Variants in LIAT1 observed in about 807,000 individuals in gnomAD.
LIAT1 encodes the protein protein LIAT1.
chr17:410,375 C>A, the LIAT1 span: 3 of 1,517,052 alleles, frequency 2.0e-6, no homozygotes, highest in Non-Finnish European at 2.6e-6. Context: ...TGGCGGTCCG[C>A]GCTGAGAGTC....
the LIAT1 span, chr17:413,693 G>T: frequency 6.3e-7 from 1 of 1,580,530 alleles, no homozygotes; most frequent in Admixed American, 1.7e-5. Flanking sequence ...GGCCCTCAAG[G>T]GTTTCCACAT....
chr17:413,343 A>T, the LIAT1 span: 1 of 1,614,268 alleles, frequency 6.2e-7, no homozygotes, highest in Non-Finnish European at 8.5e-7. Context: ...AATCGGATCA[A>T]CGAAAGTCTG....
At chr17:412,774 G>A in the LIAT1 span, among the ~76,000 whole-genome samples, 23 of 152,202 alleles carry the variant, frequency 1.5e-4, no homozygotes, top group Non-Finnish European at 1.5e-5. Context: ...AGGGCAGCAC[G>A]GCCCAGTGGA....
At chr17:410,363 C>A in the LIAT1 span, 7 of 1,505,334 alleles carry the variant, frequency 4.7e-6, no homozygotes, top group Admixed American at 8.8e-5. Context: ...GTGGCCCTGG[C>A]CTGGCGGTCC....
the LIAT1 span, among the ~76,000 whole-genome samples, chr17:411,758 C>G: frequency 0.035 from 5,395 of 152,294 alleles, 311 homozygotes; most frequent in African/African-American, 0.12. Context: ...CCCTACATTT[C>G]TTGACAAGGG....
the LIAT1 span, among the ~76,000 whole-genome samples, chr17:411,714 G>A: frequency 2.6e-5 from 4 of 152,126 alleles, no homozygotes; most frequent in Admixed American, 2.6e-4. Context: ...ATAAACCCCA[G>A]TCCCTACATC....
the LIAT1 span, chr17:410,604 A>T: frequency 1.9e-6 from 3 of 1,544,644 alleles, no homozygotes; most frequent in East Asian, 7.3e-5. Flanking sequence ...GGTGAAGAAG[A>T]AAAAAAGGAA....
At chr17:410,333 G>T in the LIAT1 span, 1 of 1,460,836 alleles carries the variant, frequency 6.8e-7, no homozygotes, top group African/African-American at 1.5e-5. Context: ...GCGCAGCAGG[G>T]GTGGTCGCCA....
At chr17:412,969 A>T in the LIAT1 span, among the ~76,000 whole-genome samples, 1 of 152,220 alleles carries the variant, frequency 6.6e-6, no homozygotes, top group African/African-American at 2.4e-5. Context: ...CCTGCCCTGA[A>T]ATGATTTCAG....
the LIAT1 span, chr17:410,387 C>A: frequency 2.6e-6 from 4 of 1,523,664 alleles, no homozygotes; most frequent in African/African-American, 1.4e-5. Context: ...CTGAGAGTCG[C>A]CGATTAGTCG....
the LIAT1 span, chr17:413,654 G>A: frequency 8.3e-6 from 13 of 1,575,596 alleles, no homozygotes; most frequent in Non-Finnish European, 1.1e-5. Context: ...CGACCCTGAG[G>A]CCCTCAAGGG....
the LIAT1 span, chr17:410,403 G>C: frequency 1.1e-5 from 17 of 1,527,386 alleles, no homozygotes; most frequent in East Asian, 1.2e-4. Flanking sequence ...AGTCGGCATC[G>C]GGCCTCGGGC....
At chr17:410,413 C>A in the LIAT1 span, 7 of 1,531,562 alleles carry the variant, frequency 4.6e-6, no homozygotes, top group Non-Finnish European at 6.1e-6. Flanking sequence ...GGGCCTCGGG[C>A]GCCCCCGGGG....
chr17:413,650 T>TCAAGGGCTTCCACCCCGACCCC, the LIAT1 span: 2 of 845,620 alleles, frequency 2.4e-6, no homozygotes, highest in Non-Finnish European at 1.5e-6. Context: ...ACCCCGACCC[T>TCAAGGGCTTCCACCCCGACCCC]GAGGCCCTCA....
the LIAT1 span, chr17:410,533 GC>G: frequency 6.5e-7 from 1 of 1,545,830 alleles, no homozygotes. Flanking sequence ...GGCGCCGCGG[GC>G]CCGCGGGGGT....
the LIAT1 span, chr17:414,060 G>T: frequency 6.2e-7 from 1 of 1,614,244 alleles, no homozygotes; most frequent in South Asian, 1.1e-5. The surrounding 1 kb of genome is among the most constrained non-coding windows in gnomAD (Gnocchi z 4.1). Flanking sequence ...TGTTTTGAAG[G>T]AAACCTTACC....
chr17:410,704 G>T, the LIAT1 span: 1 of 1,470,736 alleles, frequency 6.8e-7, no homozygotes, highest in Non-Finnish European at 9.2e-7. Flanking sequence ...ACTCTTTGGG[G>T]ACCCACCCCC....
At chr17:410,879 T>C in the LIAT1 span, among the ~76,000 whole-genome samples, 1 of 151,948 alleles carries the variant, frequency 6.6e-6, no homozygotes, top group African/African-American at 2.4e-5. Context: ...CCTACAGATA[T>C]CCACCATTCC....
chr17:411,023 T>C, the LIAT1 span, among the ~76,000 whole-genome samples: 1 of 152,130 alleles, frequency 6.6e-6, no homozygotes, highest in African/African-American at 2.4e-5. Context: ...CCCAAACACA[T>C]TGATGCCACA....
Sources: gnomAD v4.1 joint callset for allele counts (sites outside exome capture counted in the v4.1 genomes callset) on GRCh38, gnomAD v4.1.1 for gene constraint, Gnocchi (gnomAD v3.1) non-coding constraint, MANE v1.5 for transcripts, NCBI Gene and HGNC (gene_info 2026-07-23, HGNC 2026-07-21) for gene names.